The following SLC36A1 variants were observed in gnomAD, a reference collection of about 807,000 sequenced individuals.
SLC36A1 encodes the protein proton-coupled amino acid transporter 1.
A neutral mutation model predicts 47.5 loss-of-function variants in SLC36A1; 30 were observed. That is an observed-to-expected ratio of 0.63 (90% CI 0.47 to 0.86). The LOEUF (loss-of-function observed/expected upper bound fraction) is 0.86, where lower values mean the gene tolerates loss of function less well. SLC36A1 is among the 40% of genes least tolerant of loss of function. The pLI is 0.00. For missense variants in SLC36A1, 517 were observed against 606.0 expected (o/e 0.85, Z 1.54); for synonymous variants, 255 against 249.7 (o/e 1.02, Z -0.20).
chr5:151,476,290 A>T (rs1758041064), intron 8 of SLC36A1, among the ~76,000 whole-genome samples: 2 of 152,234 alleles, frequency 1.3e-5, no homozygotes, highest in Admixed American at 6.5e-5. Context: ...GGCAAGGGAC[A>T]TTCCCAGCCT....
chr5:151,554,764 C>T, the SLC36A1 span: 4 of 996,336 alleles, frequency 4.0e-6, no homozygotes, highest in Admixed American at 8.7e-5. Flanking sequence ...TCACTTTGTT[C>T]TTTGGTATGA....
At chr5:151,389,312 C>G in the SLC36A1 span, among the ~76,000 whole-genome samples, 1 of 152,124 alleles carries the variant, frequency 6.6e-6, no homozygotes, top group Non-Finnish European at 1.5e-5. Flanking sequence ...CCTTTGTAAT[C>G]TGTGATATTT....
the SLC36A1 span, chr5:151,414,816 A>G: frequency 6.6e-6 from 1 of 152,202 alleles, no homozygotes; most frequent in Non-Finnish European, 1.5e-5. Context: ...GGGAAAGTGA[A>G]TATGTGGCCA....
chr5:151,386,008 A>T, the SLC36A1 span, among the ~76,000 whole-genome samples: 2 of 151,218 alleles, frequency 1.3e-5, no homozygotes, highest in African/African-American at 4.9e-5. Flanking sequence ...AGTGGCTGTG[A>T]TTATAGGCGC....
the SLC36A1 span, among the ~76,000 whole-genome samples, chr5:151,361,110 C>T: frequency 2.0e-5 from 3 of 152,100 alleles, no homozygotes; most frequent in African/African-American, 7.2e-5. Flanking sequence ...ATGGTTTTTT[C>T]TATAACCACA....
At chr5:151,512,750 G>T in the SLC36A1 span, 1 of 729,928 alleles carries the variant, frequency 1.4e-6, no homozygotes, top group Non-Finnish European at 2.2e-6. This position sits in a 1 kb window ranked among gnomAD's most constrained non-coding sequence, Gnocchi z 4.1. Flanking sequence ...CATTTGCAGA[G>T]CATAAAAACC....
intron 2 of SLC36A1, among the ~76,000 whole-genome samples, chr5:151,462,743 A>C (rs1475948659): frequency 6.6e-6 from 1 of 151,184 alleles, no homozygotes; most frequent in Non-Finnish European, 1.5e-5. Context: ...TATGCTGTTC[A>C]CTTTGTATCT....
chr5:151,517,984 C>A, the SLC36A1 span, among the ~76,000 whole-genome samples: 1 of 152,152 alleles, frequency 6.6e-6, no homozygotes, highest in African/African-American at 2.4e-5. Flanking sequence ...ACTGCAGGGA[C>A]CCCTGCCTTA....
At chr5:151,486,797 C>CA (rs1759625085) in intron 10 of SLC36A1, among the ~76,000 whole-genome samples, 1 of 152,202 alleles carries the variant, frequency 6.6e-6, no homozygotes, top group Non-Finnish European at 1.5e-5. Context: ...GACAATCTGT[C>CA]AAACTATATT....
At chr5:151,527,862 A>T in the SLC36A1 span, 1 of 1,236,476 alleles carries the variant, frequency 8.1e-7, no homozygotes, top group Non-Finnish European at 1.1e-6. Context: ...CAGAGAAAAC[A>T]AGTGAGAGAC....
chr5:151,459,891 G>C (rs953456852), intron 2 of SLC36A1: 2 of 152,286 alleles, frequency 1.3e-5, no homozygotes, highest in South Asian at 4.1e-4. Flanking sequence ...CTTGCGAACT[G>C]GGGTGGAACT....
chr5:151,509,955 G>T, the SLC36A1 span: 4 of 1,562,372 alleles, frequency 2.6e-6, no homozygotes, highest in Non-Finnish European at 3.5e-6. Context: ...GGACTTTCTA[G>T]AGGTCAGAGT....
the SLC36A1 span, among the ~76,000 whole-genome samples, chr5:151,498,506 T>G: frequency 6.6e-6 from 1 of 152,174 alleles, no homozygotes; most frequent in Admixed American, 6.5e-5. Context: ...AGATCACGTT[T>G]CCAAAGCGGT....
At chr5:151,498,106 G>A in the SLC36A1 span, among the ~76,000 whole-genome samples, 892 of 152,010 alleles carry the variant, frequency 5.9e-3, 7 homozygotes, top group South Asian at 0.012. Context: ...CACCACGCCC[G>A]ACTAATTTTT....
chr5:151,399,393 T>C, the SLC36A1 span, among the ~76,000 whole-genome samples: 1 of 152,108 alleles, frequency 6.6e-6, no homozygotes, highest in Non-Finnish European at 1.5e-5. Flanking sequence ...TACATATATA[T>C]TTATATCCCC....
the SLC36A1 span, among the ~76,000 whole-genome samples, chr5:151,424,673 A>C: frequency 6.6e-6 from 1 of 151,804 alleles, no homozygotes; most frequent in Admixed American, 6.5e-5. Context: ...ATGAGATGAG[A>C]ATAATCATTA....
chr5:151,456,460 C>T (rs1354261986), intron 1 of SLC36A1, among the ~76,000 whole-genome samples: 1 of 152,210 alleles, frequency 6.6e-6, no homozygotes, highest in Non-Finnish European at 1.5e-5. Context: ...AGGCTTGGCG[C>T]CTGGGCCTCC....
chr5:151,549,384 G>C, the SLC36A1 span: 1 of 1,614,126 alleles, frequency 6.2e-7, no homozygotes. Flanking sequence ...GGGGGCTATG[G>C]TGTCAGGAAC....
the SLC36A1 span, among the ~76,000 whole-genome samples, chr5:151,502,461 A>C: frequency 1.3e-5 from 2 of 148,472 alleles, no homozygotes; most frequent in Non-Finnish European, 2.9e-5. Flanking sequence ...TTGAGAAAAC[A>C]AACCAGTTTA....
Sources: allele counts gnomAD v4.1 joint callset (sites outside exome capture counted in the v4.1 genomes callset), GRCh38; gene constraint gnomAD v4.1.1; non-coding constraint Gnocchi (gnomAD v3.1); transcripts MANE v1.5; gene names NCBI Gene and HGNC (gene_info 2026-07-23, HGNC 2026-07-21).